The following TSPAN4 variants were observed in gnomAD, a reference collection of about 807,000 sequenced individuals.
TSPAN4 encodes tetraspanin-4.
In TSPAN4, 38 loss-of-function variants were observed where a neutral mutation model predicts 31.5. That is an observed-to-expected ratio of 1.21 (90% CI 0.93 to 1.58). The LOEUF is 1.58. Ranked by LOEUF, TSPAN4 falls within the 40% of genes most tolerant of loss-of-function variation. The pLI is 0.00. For missense variants in TSPAN4, 330 were observed against 317.3 expected (o/e 1.04, Z -0.30); for synonymous variants, 186 against 144.6 (o/e 1.29, Z -2.06).
chr11:866,704 C>T lies in TSPAN4; in HGVS notation c.*74C>T. 2 of 1,415,506 alleles carry T rather than the reference C, an allele frequency of 1.4e-6. No homozygotes were observed. The highest frequency in any genetic ancestry group is 1.3e-5 in the South Asian group (1 of 78,038). 87.7% of individuals were successfully genotyped at this position (1,415,506 alleles called of 1,614,324 possible). ...GCCGCACCCACAGCTGCCTTTCCCA[C>T]CACCAGCCTCGGTGCTCTGCCCCAT... On this transcript the variant is annotated 3_prime_UTR_variant, in exon 9 of 9. Coordinates refer to ENST00000397397, the MANE Select transcript of TSPAN4 (RefSeq NM_003271.5).
intron 2 of TSPAN4, chr11:849,808 GGGGCGCGCGGGGTC>G (rs1460297534): frequency 3.3e-4 from 48 of 146,752 alleles, no homozygotes; most frequent in Admixed American, 3.1e-3. Flanking sequence ...GGCGCGGGGC[GGGGCGCGCGGGGTC>G]GGGGGCGCGG....
In TSPAN4 at chr11:848,580, C is replaced by T. The variant is rs1425059488; in HGVS notation, c.-18+1280C>T. 1.3e-5 allele frequency among the ~76,000 whole-genome samples: 2 copies of T among 152,158 alleles called. No individual in the cohort carries two copies. Among genetic ancestry groups the T allele is most frequent in the Non-Finnish European group, 2.9e-5 (2 of 68,006 alleles). ...GCTTCCACGGCAGCCCTCCCCAGAC[C>T]TGCCACCTCCCACATCAGTCACTCC... is the stretch of plus-strand genomic sequence containing the variant. On this transcript the variant is annotated intron_variant, in intron 2 of 8. Coordinates refer to ENST00000397397, the MANE Select transcript of TSPAN4 (RefSeq NM_003271.5). The surrounding 1 kb of genome is among the most constrained non-coding windows in gnomAD (Gnocchi z 5.7).
chr11:853,199 C>T (rs2134011589), intron 3 of TSPAN4, among the ~76,000 whole-genome samples: 1 of 152,228 alleles, frequency 6.6e-6, no homozygotes, highest in South Asian at 2.1e-4. Context: ...CCCCAGCTTG[C>T]CTGGCTGCCC....
At chr11:851,200 C>G (rs1847687609) in intron 3 of TSPAN4, among the ~76,000 whole-genome samples, 1 of 152,212 alleles carries the variant, frequency 6.6e-6, no homozygotes, top group Admixed American at 6.5e-5. Flanking sequence ...CTGTCCTGTC[C>G]CTGGCTCCTG....
In TSPAN4 at chr11:862,596, C is replaced by A; in HGVS notation, c.110C>A (p.Thr37Lys). Residue 37 changes from threonine (T) to lysine (K), a missense_variant, in exon 4 of 9, where the codon ACA (threonine) becomes AAA (lysine). By Grantham distance (78) the Thr-to-Lys change is moderately conservative (BLOSUM62 -1). Coordinates refer to ENST00000397397, the MANE Select transcript of TSPAN4 (RefSeq NM_003271.5). ...GGTGTCGGCATCTGGCTGGCCGCCA[C>A]ACAGGGGAGCTTCGCCACGCTGTCC... ...VLGVGIWLAA[T>K]QGSFATLSSS... 1 of 1,612,628 alleles carries A rather than the reference C, an allele frequency of 6.2e-7. No individual in the cohort carries two copies.
chr11:842,967 G>C (rs1847051950), intron 1 of TSPAN4, 52 bp downstream of exon 1: 1 of 152,976 alleles, frequency 6.5e-6, no homozygotes, highest in Admixed American at 6.5e-5. Flanking sequence ...CGTGGCCGGA[G>C]GTGTCCGACC....
At chr11:861,691 G>A (rs1848466875) in intron 3 of TSPAN4, among the ~76,000 whole-genome samples, 1 of 151,156 alleles carries the variant, frequency 6.6e-6, no homozygotes, top group African/African-American at 2.4e-5. Flanking sequence ...CAGCCTGGGT[G>A]ACAGTGCGAG....
chr11:852,882 C>A (rs1322139938), intron 3 of TSPAN4, among the ~76,000 whole-genome samples: 1 of 113,358 alleles, frequency 8.8e-6, no homozygotes, highest in African/African-American at 3.5e-5. Context: ...CTCAAGATCC[C>A]CGCGTGTGTC....
intron 2 of TSPAN4, chr11:849,808 G>T (rs1313439745): frequency 6.8e-6 from 1 of 146,648 alleles, no homozygotes; most frequent in Non-Finnish European, 1.5e-5. Context: ...GGCGCGGGGC[G>T]GGGCGCGCGG....
At chr11:854,063 C>T (rs1383912166) in intron 3 of TSPAN4, among the ~76,000 whole-genome samples, 1 of 152,246 alleles carries the variant, frequency 6.6e-6, no homozygotes, top group African/African-American at 2.4e-5. Flanking sequence ...GACACTCTTC[C>T]CCTAATGGAA....
At position 866,815 on chromosome 11, in the gene TSPAN4, T is replaced by G; in HGVS notation, c.*185T>G. 1.6e-6 allele frequency: 1 copy of G among 609,292 alleles called. No homozygotes were observed. The highest frequency in any genetic ancestry group is 2.3e-5 in the South Asian group (1 of 44,308). The allele number at this position is 609,292 out of a possible 1,614,324, so 37.7% of individuals were successfully genotyped here. On this transcript the variant is annotated 3_prime_UTR_variant, in exon 9 of 9. Coordinates refer to ENST00000397397, the MANE Select transcript of TSPAN4 (RefSeq NM_003271.5). ...CCCTAGCTCAGGTGGCTTCAGGGCC[T>G]CCGGACCCCCCCTGGGAGGGGTGGC...
intron 3 of TSPAN4, chr11:857,926 G>C (rs1848153006): frequency 1.3e-5 from 2 of 152,260 alleles, no homozygotes; most frequent in Non-Finnish European, 2.9e-5. Context: ...TGGACCCAGG[G>C]CCATATCCCT....
At chr11:865,297 C>T in intron 5 of TSPAN4, 1 of 581,004 alleles carries the variant, frequency 1.7e-6, no homozygotes, top group Non-Finnish European at 3.1e-6. Context: ...ATGGTCCTCC[C>T]CCAGCCTGGG....
chr11:843,158 C>T (rs1278543954), intron 1 of TSPAN4: 5 of 152,192 alleles, frequency 3.3e-5, no homozygotes, highest in Non-Finnish European at 5.9e-5. Context: ...GGCCTCTGCC[C>T]GCGGGGTGTC....
At chr11:856,521 G>A (rs1342350298) in intron 3 of TSPAN4, among the ~76,000 whole-genome samples, 2 of 152,234 alleles carry the variant, frequency 1.3e-5, no homozygotes, top group African/African-American at 4.8e-5. Flanking sequence ...TCATGGGGCG[G>A]GGTCAACCTC....
chr11:850,375 C>G lies in TSPAN4; in HGVS notation c.63+8C>G. 1 of 1,597,714 alleles carries G rather than the reference C, an allele frequency of 6.3e-7. No homozygotes were observed. The highest frequency in any genetic ancestry group is 1.1e-5 in the South Asian group (1 of 90,698). On this transcript the variant is annotated splice_region_variant and intron_variant, in intron 3 of 8. Coordinates refer to ENST00000397397, the MANE Select transcript of TSPAN4 (RefSeq NM_003271.5). ...TTCAACCTGCTCTTCTGGGTGAGTC[C>G]GGGGGCCGGGGTGGGGGCCCGGGAA...
intron 8 of TSPAN4, 130 bp from the exon 9 acceptor site, chr11:866,432 C>T: frequency 1.3e-6 from 1 of 752,980 alleles, no homozygotes; most frequent in Non-Finnish European, 2.1e-6. Context: ...AGCTGAAGGG[C>T]TCTGCCACTG....
chr11:847,676 A>T (rs1352685320), intron 2 of TSPAN4, among the ~76,000 whole-genome samples: 1 of 142,044 alleles, frequency 7.0e-6, no homozygotes, highest in Non-Finnish European at 1.5e-5. Flanking sequence ...TTCTTCTTGA[A>T]TAGGCTTCAT....
chr11:852,320 C>T (rs1847799027), intron 3 of TSPAN4, among the ~76,000 whole-genome samples: 2 of 152,062 alleles, frequency 1.3e-5, no homozygotes. Context: ...GACAGGGTTT[C>T]ACCATGTTGG....
Sources: gnomAD v4.1 joint callset for allele counts (sites outside exome capture counted in the v4.1 genomes callset) on GRCh38, gnomAD v4.1.1 for gene constraint, Gnocchi (gnomAD v3.1) non-coding constraint, MANE v1.5 for transcripts, NCBI Gene and HGNC (gene_info 2026-07-23, HGNC 2026-07-21) for gene names.